MFHAS1: variants seen among roughly 807,000 people sequenced by gnomAD.
The protein encoded by MFHAS1 is multifunctional ROCO family signaling regulator 1, also known as malignant fibrous histiocytoma-amplified sequence 1.
A neutral mutation model predicts 70.4 loss-of-function variants in MFHAS1; 50 were observed. The ratio of observed to expected loss-of-function variants is 0.71; its 90% confidence interval spans 0.57 to 0.90. The LOEUF (loss-of-function observed/expected upper bound fraction) is 0.90. Among genes scored for constraint, MFHAS1 ranks in the 40% least tolerant of loss-of-function variants. The pLI, the probability that MFHAS1 is intolerant of heterozygous loss-of-function variation, is 0.00. For missense variants in MFHAS1, 1,795 were observed against 1,347.6 expected (o/e 1.33, Z -5.20); for synonymous variants, 952 against 620.0 (o/e 1.54, Z -7.96).
chr8:8,786,321 G>A (rs1217190810), intron 2 of MFHAS1, among the ~76,000 whole-genome samples: 2 of 152,182 alleles, frequency 1.3e-5, no homozygotes, highest in African/African-American at 4.8e-5. Context: ...CTAACTGGCT[G>A]TCATCACTTA....
At chr8:8,803,882 G>C (rs1361359900) in intron 1 of MFHAS1, among the ~76,000 whole-genome samples, 1 of 152,156 alleles carries the variant, frequency 6.6e-6, no homozygotes, top group African/African-American at 2.4e-5. Flanking sequence ...TGAGGCAGGA[G>C]AATCACTGGA....
intron 1 of MFHAS1, among the ~76,000 whole-genome samples, chr8:8,887,633 C>G (rs149078022): frequency 1.4e-3 from 213 of 150,444 alleles, no homozygotes; most frequent in Admixed American, 2.6e-3. Flanking sequence ...TGATTTATTC[C>G]TATTCAATCT....
intron 2 of MFHAS1, among the ~76,000 whole-genome samples, chr8:8,794,637 T>A (rs1308928043): frequency 6.6e-6 from 1 of 152,214 alleles, no homozygotes; most frequent in Non-Finnish European, 1.5e-5. Flanking sequence ...CCAAGAAACG[T>A]CTTGCCAGGA....
intron 1 of MFHAS1, among the ~76,000 whole-genome samples, chr8:8,872,376 T>A (rs894703716): frequency 6.6e-6 from 1 of 152,196 alleles, no homozygotes; most frequent in Non-Finnish European, 1.5e-5. Flanking sequence ...AGAAGATTTA[T>A]GAACTGTAAA....
At chr8:8,845,418 C>A (rs1208602677) in intron 1 of MFHAS1, among the ~76,000 whole-genome samples, 1 of 152,164 alleles carries the variant, frequency 6.6e-6, no homozygotes, top group African/African-American at 2.4e-5. Context: ...TAGTGAAACC[C>A]AAGCCTGGGT....
At chr8:8,851,226 T>C (rs932147104) in intron 1 of MFHAS1, among the ~76,000 whole-genome samples, 1 of 152,202 alleles carries the variant, frequency 6.6e-6, no homozygotes, top group African/African-American at 2.4e-5. Flanking sequence ...CTACAGTTTA[T>C]TTAGTCTTGG....
At chr8:8,800,851 C>T (rs1182850654) in intron 1 of MFHAS1, among the ~76,000 whole-genome samples, 1 of 152,128 alleles carries the variant, frequency 6.6e-6, no homozygotes, top group African/African-American at 2.4e-5. Flanking sequence ...ATCCCTGGCA[C>T]CAGCCTGGTG....
chr8:8,870,945 G>A (rs1215228817), intron 1 of MFHAS1, among the ~76,000 whole-genome samples: 18 of 152,130 alleles, frequency 1.2e-4, no homozygotes, highest in Non-Finnish European at 2.4e-4. Context: ...TTGGTGACAG[G>A]AGCGTCACTC....
At chr8:8,796,628 G>C (rs1445432787) in intron 2 of MFHAS1, among the ~76,000 whole-genome samples, 5 of 140,640 alleles carry the variant, frequency 3.6e-5, no homozygotes, top group Non-Finnish European at 7.6e-5. Context: ...AGCTTGCAGT[G>C]AGCCAAGATG....
intron 1 of MFHAS1, among the ~76,000 whole-genome samples, chr8:8,845,527 T>C (rs1167015233): frequency 6.6e-6 from 1 of 152,208 alleles, no homozygotes. Context: ...ATAATTTCAT[T>C]AAATGGCCTT....
intron 2 of MFHAS1, among the ~76,000 whole-genome samples, chr8:8,789,927 G>C (rs1282580849): frequency 2.0e-5 from 3 of 151,928 alleles, no homozygotes; most frequent in Admixed American, 2.0e-4. Context: ...ACCCGGCCTT[G>C]CCCGTTCCTC....
At position 8,850,315 on chromosome 8, in the gene MFHAS1, T is replaced by C. The variant is rs115963043; in HGVS notation, c.2998+39746A>G. Among the ~76,000 whole-genome samples the C allele has an allele frequency of 1.9e-3, 289 of 152,326 alleles. 1 individual carries two copies. The highest frequency in any genetic ancestry group is 6.8e-3 in the African/African-American group (284 of 41,582). On this transcript the variant is annotated intron_variant, in intron 1 of 2. Coordinates refer to ENST00000276282, the MANE Select transcript of MFHAS1 (RefSeq NM_004225.3). ...ACATGTCTGTGACAATACACACTAA[T>C]AATTTCCCACTTTTTATTAAATGTT...
intron 1 of MFHAS1, among the ~76,000 whole-genome samples, chr8:8,859,835 T>G (rs992084302): frequency 1.4e-4 from 21 of 152,194 alleles, no homozygotes; most frequent in African/African-American, 5.1e-4. Context: ...AGTTAGATGT[T>G]CAACTGAATG....
chr8:8,865,835 G>C (rs796564360), intron 1 of MFHAS1, among the ~76,000 whole-genome samples: 8 of 152,324 alleles, frequency 5.3e-5, no homozygotes, highest in African/African-American at 1.2e-4. Context: ...CAGAAGCCTG[G>C]TTGATGTAAA....
chr8:8,885,791 C>T (rs1022092789), intron 1 of MFHAS1, among the ~76,000 whole-genome samples: 1 of 152,228 alleles, frequency 6.6e-6, no homozygotes, highest in Non-Finnish European at 1.5e-5. Context: ...CTCACTGCAA[C>T]CTCCGCCTCC....
At chr8:8,806,392 C>A (rs902819807) in intron 1 of MFHAS1, among the ~76,000 whole-genome samples, 2 of 152,188 alleles carry the variant, frequency 1.3e-5, no homozygotes. Flanking sequence ...AGCAAGTGAA[C>A]CTGGCTTACG....
At chr8:8,813,332 T>C (rs886100391) in intron 1 of MFHAS1, among the ~76,000 whole-genome samples, 1 of 152,250 alleles carries the variant, frequency 6.6e-6, no homozygotes, top group Non-Finnish European at 1.5e-5. Flanking sequence ...TATCATTCTT[T>C]TAGGGTGTAC....
intron 1 of MFHAS1, among the ~76,000 whole-genome samples, chr8:8,886,719 A>G (rs1386975655): frequency 6.6e-6 from 1 of 152,220 alleles, no homozygotes; most frequent in Non-Finnish European, 1.5e-5. Flanking sequence ...TCAAAGTCCA[A>G]CTTTTTCAGC....
chr8:8,800,599 C>A (rs985349157), intron 1 of MFHAS1, among the ~76,000 whole-genome samples: 1 of 152,148 alleles, frequency 6.6e-6, no homozygotes, highest in Non-Finnish European at 1.5e-5. Context: ...TGTGGGCACC[C>A]CAGTCTCTTA....
Sources: gnomAD v4.1 joint callset for allele counts (sites outside exome capture counted in the v4.1 genomes callset) on GRCh38, gnomAD v4.1.1 for gene constraint, MANE v1.5 for transcripts, NCBI Gene and HGNC (gene_info 2026-07-23, HGNC 2026-07-21) for gene names.